ETFA: variants seen among roughly 807,000 people sequenced by gnomAD.
ETFA encodes electron transfer flavoprotein subunit alpha.
A neutral mutation model predicts 46.2 loss-of-function variants in ETFA; 22 were observed. The ratio of observed to expected loss-of-function variants is 0.48; its 90% CI spans 0.34 to 0.68. ETFA has a LOEUF of 0.68. Ranked by LOEUF, ETFA falls within the 30% of genes least tolerant of loss-of-function variation. The probability of loss-of-function intolerance (pLI) is 0.01; values close to 1 mark genes in which losing one functional copy is unlikely to be tolerated. For missense variants in ETFA, 345 were observed against 401.1 expected (o/e 0.86, Z 1.19); for synonymous variants, 131 against 139.9 (o/e 0.94, Z 0.45).
intron 4 of ETFA, among the ~76,000 whole-genome samples, chr15:76,288,296 G>C (rs1057001699): frequency 3.9e-5 from 6 of 152,272 alleles, no homozygotes; most frequent in African/African-American, 1.4e-4. Context: ...AACAAATTTA[G>C]AAGGGTGGTA....
intron 1 of ETFA, among the ~76,000 whole-genome samples, 174 bp from the exon 2 acceptor site, chr15:76,295,911 T>C (rs2039814806): frequency 6.8e-6 from 1 of 147,588 alleles, no homozygotes; most frequent in African/African-American, 2.5e-5. Flanking sequence ...TAGCTATTTG[T>C]GTCTATCACT....
chr15:76,241,066 G>A (rs1321122605), intron 9 of ETFA, among the ~76,000 whole-genome samples: 1 of 151,966 alleles, frequency 6.6e-6, no homozygotes, highest in Non-Finnish European at 1.5e-5. Context: ...ATTATGAAAA[G>A]CCAAGTATAT....
At chr15:76,260,698 C>T in intron 9 of ETFA, 2 of 1,604,258 alleles carry the variant, frequency 1.2e-6, no homozygotes, top group South Asian at 2.2e-5. Context: ...AAGATGAGGC[C>T]TGAATCTGTG....
chr15:76,231,220 C>T (rs565712660), intron 10 of ETFA, 113 bp downstream of exon 10: 9 of 770,418 alleles, frequency 1.2e-5, no homozygotes, highest in Middle Eastern at 2.6e-4. Flanking sequence ...CCCAGATCTA[C>T]GTTAGTGTGA....
chr15:76,292,448 C>T lies in ETFA; in HGVS notation c.334G>A (p.Ala112Thr). 1.9e-6 allele frequency: 3 copies of T among 1,613,250 alleles called. No homozygotes were observed. The highest frequency in any genetic ancestry group is 2.5e-6 in the Non-Finnish European group (3 of 1,179,158). ...CTTCTCACCTTTCCGAAGGCAGATG[C>T]TCCAGCACAGATGTGTGTGTAATTG... ...QFNYTHICAG[A>T]SAFGKNLLPR... Residue 112 changes from alanine to threonine, a missense_variant, in exon 4 of 12, where the codon GCA becomes ACA. By Grantham distance (58) the Ala-to-Thr change is moderately conservative (BLOSUM62 0). Coordinates refer to ENST00000557943, the MANE Select transcript of ETFA (RefSeq NM_000126.4).
chr15:76,265,512 T>TGTC (rs1373089867), intron 9 of ETFA, among the ~76,000 whole-genome samples: 53 of 152,228 alleles, frequency 3.5e-4, no homozygotes, highest in Non-Finnish European at 1.8e-4. Flanking sequence ...GACTAGTAGA[T>TGTC]ACTGGAGCTG....
chr15:76,241,458 G>A (rs1567200600), intron 9 of ETFA, among the ~76,000 whole-genome samples: 1 of 151,294 alleles, frequency 6.6e-6, no homozygotes, highest in Non-Finnish European at 1.5e-5. Context: ...GAGATGTGAT[G>A]GCACCACTCC....
At chr15:76,249,704 G>A (rs1250029076) in intron 9 of ETFA, among the ~76,000 whole-genome samples, 1 of 152,090 alleles carries the variant, frequency 6.6e-6, no homozygotes, top group Non-Finnish European at 1.5e-5. Context: ...GCCTCCCAAA[G>A]TGCTGGGATT....
At chr15:76,245,793 G>A (rs2039237525) in intron 9 of ETFA, among the ~76,000 whole-genome samples, 1 of 152,176 alleles carries the variant, frequency 6.6e-6, no homozygotes, top group Non-Finnish European at 1.5e-5. Flanking sequence ...CAGGTGGTTA[G>A]GAAGGTAAGG....
chr15:76,278,503 T>A (rs2039618741), intron 8 of ETFA, among the ~76,000 whole-genome samples: 1 of 152,168 alleles, frequency 6.6e-6, no homozygotes, highest in African/African-American at 2.4e-5. Context: ...ACCTCTCCAG[T>A]TTTTCCATAG....
At chr15:76,289,522 T>G (rs1017793720) in intron 4 of ETFA, among the ~76,000 whole-genome samples, 2 of 152,226 alleles carry the variant, frequency 1.3e-5, no homozygotes, top group Non-Finnish European at 2.9e-5. Context: ...AAAAGTATGT[T>G]TTCCTGGATC....
Position 76,280,220 on chromosome 15 carries a change from T to C in ETFA, c.733+3537A>G, listed in dbSNP as rs533081763. Reference sequence around the variant, plus strand: ...TCCTATACCAACTGCTTAACTGACATGTCTACTCAGATGTCTGTTATTAGA... The same window carrying C: ...TCCTATACCAACTGCTTAACTGACACGTCTACTCAGATGTCTGTTATTAGA... On this transcript the variant is annotated intron_variant, in intron 8 of 11. Coordinates refer to ENST00000557943, the MANE Select transcript of ETFA (RefSeq NM_000126.4). Among the ~76,000 whole-genome samples, 19 of 152,258 alleles carry C rather than the reference T, an allele frequency of 1.2e-4. 1 individual carries two copies. The highest frequency in any genetic ancestry group is 1.2e-3 in the Admixed American group (18 of 15,294).
chr15:76,243,335 T>TA (rs879474998), intron 9 of ETFA, among the ~76,000 whole-genome samples: 48 of 151,318 alleles, frequency 3.2e-4, no homozygotes, highest in Non-Finnish European at 2.7e-4. Flanking sequence ...TTTACCACAA[T>TA]AAAAAAAATC....
chr15:76,308,490 CCCA>C (rs2039958602), intron 1 of ETFA, among the ~76,000 whole-genome samples: 1 of 152,044 alleles, frequency 6.6e-6, no homozygotes, highest in Admixed American at 6.5e-5. Context: ...TTGTGATATT[CCCA>C]CCAAGAATAC....
At chr15:76,251,204 G>A (rs1022069075) in intron 9 of ETFA, among the ~76,000 whole-genome samples, 2 of 152,126 alleles carry the variant, frequency 1.3e-5, no homozygotes, top group African/African-American at 4.8e-5. Context: ...TGACTCGGAG[G>A]ATGGGGTAAC....
At chr15:76,223,685 C>A (rs576293891) in intron 11 of ETFA, among the ~76,000 whole-genome samples, 2 of 152,346 alleles carry the variant, frequency 1.3e-5, no homozygotes, top group African/African-American at 4.8e-5. Context: ...TGGAAGTCAG[C>A]TGACTAGATG....
intron 9 of ETFA, among the ~76,000 whole-genome samples, chr15:76,233,620 G>A (rs958369650): frequency 3.9e-5 from 6 of 152,082 alleles, no homozygotes; most frequent in East Asian, 1.9e-4. Context: ...GAGCCACGGC[G>A]CCCAGCCTTC....
chr15:76,284,928 C>A, intron 7 of ETFA: 1 of 401,790 alleles, frequency 2.5e-6, no homozygotes, highest in South Asian at 1.7e-5. Context: ...GAAACTCCAT[C>A]TCAAAAAGAA....
chr15:76,217,702 T>G (rs1252333684), intron 11 of ETFA: 4 of 432,980 alleles, frequency 9.2e-6, no homozygotes, highest in Non-Finnish European at 1.9e-5. Context: ...ACACAGATAC[T>G]CTGAAAACTG....
Sources: allele counts gnomAD v4.1 joint callset (sites outside exome capture counted in the v4.1 genomes callset), GRCh38; gene constraint gnomAD v4.1.1; transcripts MANE v1.5; gene names NCBI Gene and HGNC (gene_info 2026-07-23, HGNC 2026-07-21).